Variants in SPNS3 observed in about 807,000 individuals in gnomAD.
SPNS3 encodes protein spinster homolog 3.
In SPNS3, 51 loss-of-function variants were observed where a neutral mutation model predicts 54.4. That is an observed-to-expected ratio of 0.94 (90% CI 0.75 to 1.18). The LOEUF is 1.18. SPNS3 is among the 50% of genes most tolerant of loss of function. The pLI, the probability that SPNS3 is intolerant of heterozygous loss-of-function variation, is 0.00. For missense variants in SPNS3, 669 were observed against 677.4 expected (o/e 0.99, Z 0.14); for synonymous variants, 309 against 294.7 (o/e 1.05, Z -0.50).
In SPNS3 at chr17:4,464,923, C is replaced by T. The variant is rs559427529; in HGVS notation, c.1113+11718C>T. 3.9e-5 allele frequency among the ~76,000 whole-genome samples: 6 copies of T among 152,278 alleles called. No individual in the cohort carries two copies. The South Asian group carries it at 1.0e-3, about 26-fold the overall frequency. ...CTCCAACTCCTGACCTCAGGTGATC[C>T]ACCCGCCTCGGCCTCCCAGAGTGCT... is the stretch of plus-strand genomic sequence containing the variant. On this transcript the variant is annotated intron_variant, in intron 8 of 11. Coordinates refer to ENST00000355530, the MANE Select transcript of SPNS3 (RefSeq NM_182538.5).
intron 9 of SPNS3, among the ~76,000 whole-genome samples, chr17:4,480,596 T>C (rs1315362087): frequency 6.6e-6 from 1 of 152,122 alleles, no homozygotes; most frequent in South Asian, 2.1e-4. Flanking sequence ...GCGTCTGCAT[T>C]TGTAAGAATG....
intron 9 of SPNS3, chr17:4,484,966 C>A (rs9303186): frequency 0.16 from 23,817 of 152,076 alleles, 1,986 homozygotes; most frequent in Middle Eastern, 0.23. Flanking sequence ...GAAAGGGCCC[C>A]TCCCAGTTCT....
Position 4,483,150 on chromosome 17 carries a change from G to C in SPNS3, c.1180-3078G>C, listed in dbSNP as rs1274706627. ...TGTCTCACCCTCTCAGGGGCGTCTGGGGGCGAGGCCTGGGTGGGGGTGCAG... is the reference window on the plus strand; with the variant it reads ...TGTCTCACCCTCTCAGGGGCGTCTGCGGGCGAGGCCTGGGTGGGGGTGCAG... On this transcript the variant is annotated intron_variant, in intron 9 of 11. Transcript: ENST00000355530. The surrounding 1 kb of genome is among the most constrained non-coding windows in gnomAD (Gnocchi z 4.2). 6.6e-6 allele frequency among the ~76,000 whole-genome samples: 1 copy of C among 152,192 alleles called. No homozygotes were observed. Among genetic ancestry groups the C allele is most frequent in the Non-Finnish European group, 1.5e-5 (1 of 68,022 alleles).
In SPNS3 at chr17:4,434,086, C is replaced by A; in HGVS notation, c.119C>A (p.Pro40His). 1.2e-6 allele frequency: 2 copies of A among 1,612,276 alleles called. No individual in the cohort carries two copies. Residue 40 changes from proline (P) to histidine (H), a missense_variant, in exon 1 of 12, where the codon CCC becomes CAC. Coordinates refer to ENST00000355530, the MANE Select transcript of SPNS3 (RefSeq NM_182538.5). ...PPITPTSWSL[P>H]PWRAYVAAAV... ...ATCACGCCCACCTCCTGGAGCCTGC[C>A]CCCGTGGAGGGCCTACGTGGCTGCC... is the stretch of plus-strand genomic sequence containing the variant.
intron 8 of SPNS3, among the ~76,000 whole-genome samples, chr17:4,454,410 C>A (rs550832125): frequency 6.6e-6 from 1 of 152,352 alleles, no homozygotes; most frequent in African/African-American, 2.4e-5. Flanking sequence ...GACACAGATG[C>A]GCTTGCACAT....
chr17:4,458,646 T>TTTCTTTTCTTTCTTTCTTTCTTTCTTTCC (rs748150277), intron 8 of SPNS3, among the ~76,000 whole-genome samples: 4 of 128,086 alleles, frequency 3.1e-5, no homozygotes, highest in Admixed American at 1.7e-4. Context: ...TCTTTCTTTC[T>TTTCTTTTCTTTCTTTCTTTCTTTCTTTCC]TTCCTTCCTT....
intron 2 of SPNS3, among the ~76,000 whole-genome samples, chr17:4,440,697 G>C (rs951053418): frequency 6.6e-6 from 1 of 152,174 alleles, no homozygotes; most frequent in South Asian, 2.1e-4. Flanking sequence ...GCTCCTGGGT[G>C]TAAAAACCTC....
chr17:4,454,940 G>A (rs1365783357), intron 8 of SPNS3, among the ~76,000 whole-genome samples: 2 of 145,468 alleles, frequency 1.4e-5, no homozygotes, highest in East Asian at 4.0e-4. Context: ...TTGAGACTGA[G>A]TCTCACCCTG....
intron 8 of SPNS3, among the ~76,000 whole-genome samples, chr17:4,466,148 C>T (rs909382514): frequency 2.0e-5 from 3 of 152,246 alleles, no homozygotes; most frequent in African/African-American, 7.2e-5. Context: ...TGAAATCTTT[C>T]CCCAGCGCCT....
At position 4,486,649 on chromosome 17, in the gene SPNS3, C is replaced by T; in HGVS notation, c.1450+66C>T. On this transcript the variant is annotated intron_variant, in intron 11 of 11. Transcript: ENST00000355530. The surrounding 1 kb of genome is among the most constrained non-coding windows in gnomAD (Gnocchi z 5.5). ...CCCTAGGGACAGACAGCACTGGCCA[C>T]CCCCTGAATCCCTGGCCAGTTTGTT... 1.4e-6 allele frequency: 2 copies of T among 1,471,246 alleles called. No homozygotes were observed. The highest frequency in any genetic ancestry group is 2.1e-5 in the Admixed American group (1 of 46,738). 91.1% of individuals were successfully genotyped at this position (1,471,246 alleles called of 1,614,324 possible). A position where few individuals can be genotyped will look rare whatever the true frequency, so the allele number is the denominator to read the frequency against.
At chr17:4,460,921 A>C (rs1971481636) in intron 8 of SPNS3, among the ~76,000 whole-genome samples, 2 of 152,102 alleles carry the variant, frequency 1.3e-5, no homozygotes, top group South Asian at 4.1e-4. Context: ...CTTCATGAAG[A>C]ATTTGTTAAT....
chr17:4,453,994 G>A (rs535488248), intron 8 of SPNS3, among the ~76,000 whole-genome samples: 10 of 152,224 alleles, frequency 6.6e-5, no homozygotes, highest in East Asian at 1.9e-4. Flanking sequence ...GACTTTGCAC[G>A]CGTCCATTTC....
intron 8 of SPNS3, among the ~76,000 whole-genome samples, chr17:4,472,547 G>A (rs1971881873): frequency 6.6e-6 from 1 of 152,176 alleles, no homozygotes; most frequent in South Asian, 2.1e-4. Context: ...TCCCTTCTGA[G>A]ATGGGGGTTG....
At chr17:4,463,552 T>C (rs1025245668) in intron 8 of SPNS3, among the ~76,000 whole-genome samples, 1 of 151,792 alleles carries the variant, frequency 6.6e-6, no homozygotes, top group Admixed American at 6.6e-5. Context: ...ACATGCTCTC[T>C]CCCATGCCCC....
At chr17:4,440,117 C>A (rs1470939974) in intron 2 of SPNS3, among the ~76,000 whole-genome samples, 2 of 152,140 alleles carry the variant, frequency 1.3e-5, no homozygotes, top group Non-Finnish European at 2.9e-5. Flanking sequence ...CTGGGACACA[C>A]AAAGTCAAAC....
chr17:4,464,075 G>A (rs1971615398), intron 8 of SPNS3, among the ~76,000 whole-genome samples: 1 of 152,194 alleles, frequency 6.6e-6, no homozygotes, highest in African/African-American at 2.4e-5. Flanking sequence ...ATTTCCTGAA[G>A]TAGGGGCCAA....
intron 8 of SPNS3, among the ~76,000 whole-genome samples, chr17:4,475,798 A>C (rs1971977321): frequency 6.6e-6 from 1 of 152,146 alleles, no homozygotes; most frequent in South Asian, 2.1e-4. Flanking sequence ...TCTACAAACC[A>C]GGGCCCTTTT....
intron 2 of SPNS3, among the ~76,000 whole-genome samples, chr17:4,441,467 A>G (rs74514747): frequency 0.11 from 16,216 of 152,248 alleles, 1,024 homozygotes; most frequent in African/African-American, 0.18. Flanking sequence ...TGGCCAAGAG[A>G]CAGCAGCTGA....
At chr17:4,452,937 C>T in intron 7 of SPNS3, 79 bp from the exon 8 acceptor site, 2 of 1,419,594 alleles carry the variant, frequency 1.4e-6, no homozygotes, top group Non-Finnish European at 1.9e-6. Flanking sequence ...AGGGGCTAGA[C>T]CTGGGGCTGG....
Sources: allele counts gnomAD v4.1 joint callset (sites outside exome capture counted in the v4.1 genomes callset), GRCh38; gene constraint gnomAD v4.1.1; non-coding constraint Gnocchi (gnomAD v3.1); transcripts MANE v1.5; gene names NCBI Gene and HGNC (gene_info 2026-07-23, HGNC 2026-07-21).